Variants in TGFBR3 observed in about 807,000 individuals in gnomAD.
The protein encoded by TGFBR3 is transforming growth factor beta receptor 3.
TGFBR3 carries 46 observed loss-of-function variants against 87.9 expected under a neutral mutation model. That is an observed-to-expected ratio of 0.52 (90% CI 0.41 to 0.67). The LOEUF (loss-of-function observed/expected upper bound fraction) is 0.67. TGFBR3 is among the 30% of genes least tolerant of loss of function. The pLI, the probability that TGFBR3 is intolerant of heterozygous loss-of-function variation, is 0.00. For synonymous variants in TGFBR3, 381 were observed against 391.6 expected (o/e 0.97, Z 0.32); for missense variants, 866 against 1,041.9 (o/e 0.83, Z 2.32).
upstream of TGFBR3, among the ~76,000 whole-genome samples, chr1:91,889,648 A>C (rs748921612): frequency 4.5e-4 from 68 of 152,118 alleles, no homozygotes; most frequent in Non-Finnish European, 7.8e-4. Context: ...AAAGCTCTAT[A>C]AAAAAGGGTT....
At chr1:91,820,949 C>T (rs964151080) in intron 2 of TGFBR3, among the ~76,000 whole-genome samples, 14 of 152,122 alleles carry the variant, frequency 9.2e-5, no homozygotes, top group Admixed American at 2.6e-4. Context: ...ATGCTAGAGA[C>T]GGGTTGGAGA....
intron 2 of TGFBR3, among the ~76,000 whole-genome samples, chr1:91,856,816 T>C (rs1342485068): frequency 6.6e-6 from 1 of 152,208 alleles, no homozygotes; most frequent in Non-Finnish European, 1.5e-5. Flanking sequence ...ACTCACCTGG[T>C]ATTTAATCAA....
intron 3 of TGFBR3, among the ~76,000 whole-genome samples, chr1:91,782,490 T>A (rs1444448377): frequency 6.6e-6 from 1 of 152,104 alleles, no homozygotes; most frequent in Admixed American, 6.5e-5. Flanking sequence ...CAGAAACTGC[T>A]GCCTCCCAAG....
intron 15 of TGFBR3, among the ~76,000 whole-genome samples, chr1:91,697,462 C>G (rs1200049841): frequency 6.6e-6 from 1 of 152,180 alleles, no homozygotes; most frequent in East Asian, 1.9e-4. Context: ...GGGTGGACAG[C>G]TGGGAAGTCC....
At chr1:91,818,716 C>A (rs1676336972) in intron 2 of TGFBR3, among the ~76,000 whole-genome samples, 1 of 152,170 alleles carries the variant, frequency 6.6e-6, no homozygotes, top group Non-Finnish European at 1.5e-5. Flanking sequence ...AATGTAAACA[C>A]AGACCACGTT....
intron 2 of TGFBR3, among the ~76,000 whole-genome samples, chr1:91,822,899 C>G (rs907517755): frequency 1.1e-4 from 17 of 152,082 alleles, no homozygotes; most frequent in African/African-American, 3.9e-4. Context: ...GCACTCCAGC[C>G]TGGGTGACAG....
intron 7 of TGFBR3, among the ~76,000 whole-genome samples, chr1:91,724,020 A>T (rs1672463478): frequency 6.6e-6 from 1 of 152,164 alleles, no homozygotes; most frequent in South Asian, 2.1e-4. Flanking sequence ...AAAGGATCTC[A>T]TTCAGTATAT....
chr1:91,839,122 C>A (rs984960881), intron 2 of TGFBR3, among the ~76,000 whole-genome samples: 6 of 152,126 alleles, frequency 3.9e-5, no homozygotes, highest in African/African-American at 1.2e-4. Flanking sequence ...GGACCACAGG[C>A]ACACACCACC....
chr1:91,709,750 C>T (rs1369179783), intron 13 of TGFBR3, among the ~76,000 whole-genome samples: 1 of 152,150 alleles, frequency 6.6e-6, no homozygotes, highest in Admixed American at 6.5e-5. Context: ...CTATATTTAT[C>T]AATAGGTATA....
Position 91,683,857 on chromosome 1 carries a change from C to A in TGFBR3, c.2438G>T (p.Gly813Val). The A allele has an allele frequency of 6.3e-7, 1 of 1,596,634 alleles. No homozygotes were observed. Among genetic ancestry groups the A allele is most frequent in the East Asian group, 2.3e-5 (1 of 44,254 alleles). ...GACTTGCTGCCTTCCTGCTGTCTCCCCTGCAGTTAATAAAGAAAAGGCAGA... is the reference window on the plus strand; with the variant it reads ...GACTTGCTGCCTTCCTGCTGTCTCCACTGCAGTTAATAAAGAAAAGGCAGA... ...GALWYIYSHTGETAGRQQVPT... is the reference protein window; with the variant it reads ...GALWYIYSHTVETAGRQQVPT... Residue 813 changes from glycine to valine, a missense_variant and splice_region_variant, in exon 17 of 17, where the codon GGG becomes GTG. Coordinates refer to ENST00000212355, the MANE Select transcript of TGFBR3 (RefSeq NM_003243.5).
At chr1:91,704,135 C>T (rs1671711055) in intron 14 of TGFBR3, among the ~76,000 whole-genome samples, 1 of 152,028 alleles carries the variant, frequency 6.6e-6, no homozygotes, top group Admixed American at 6.5e-5. Context: ...CAAGACCAGC[C>T]TGTGCAACAT....
chr1:91,851,532 G>A (rs1355258037), intron 2 of TGFBR3, among the ~76,000 whole-genome samples: 1 of 152,162 alleles, frequency 6.6e-6, no homozygotes, highest in Non-Finnish European at 1.5e-5. Context: ...CAAAATCAGC[G>A]TGCTCAGAGC....
upstream of TGFBR3, among the ~76,000 whole-genome samples, chr1:91,886,990 C>T (rs1679337425): frequency 6.6e-6 from 1 of 152,136 alleles, no homozygotes; most frequent in Non-Finnish European, 1.5e-5. Context: ...CAGAACACCA[C>T]TCTGATACTC....
At chr1:91,869,044 G>GTGA (rs1678487220) in intron 1 of TGFBR3, among the ~76,000 whole-genome samples, 1 of 152,144 alleles carries the variant, frequency 6.6e-6, no homozygotes. Context: ...CCTTCCAAAA[G>GTGA]TGATGTTCAC....
In TGFBR3 at chr1:91,738,460, G is replaced by A. The variant is rs114144225; in HGVS notation, c.385-3501C>T. Among the ~76,000 whole-genome samples the A allele has an allele frequency of 2.3e-3, 350 of 152,226 alleles. 3 individuals are homozygous for A. Among genetic ancestry groups the A allele is most frequent in the African/African-American group, 8.1e-3 (337 of 41,546 alleles). ...TCCCCTTGGTAATAAGTGAACTCTC[G>A]TCTTGAGTTCACGTGAGATCTGCTC... On this transcript the variant is annotated intron_variant, in intron 4 of 16. Coordinates refer to ENST00000212355, the MANE Select transcript of TGFBR3 (RefSeq NM_003243.5).
intron 11 of TGFBR3, 54 bp downstream of exon 11, chr1:91,716,514 C>G (rs1672177712): frequency 1.2e-6 from 2 of 1,613,918 alleles, no homozygotes; most frequent in African/African-American, 2.7e-5. Flanking sequence ...CTAACTAAAG[C>G]CAACAAAATA....
chr1:91,690,684 T>C (rs1557658605), intron 16 of TGFBR3, among the ~76,000 whole-genome samples: 1 of 152,166 alleles, frequency 6.6e-6, no homozygotes, highest in Non-Finnish European at 1.5e-5. Flanking sequence ...TTTGTTGCCA[T>C]GTCAGTTTAT....
At chr1:91,830,287 C>T (rs2101084021) in intron 2 of TGFBR3, among the ~76,000 whole-genome samples, 2 of 152,306 alleles carry the variant, frequency 1.3e-5, no homozygotes, top group Middle Eastern at 3.4e-3. Context: ...GGGATACAGG[C>T]AATCGGGACT....
chr1:91,708,924 T>C, intron 13 of TGFBR3, 141 bp from the exon 14 acceptor site: 4 of 1,211,640 alleles, frequency 3.3e-6, no homozygotes, highest in Non-Finnish European at 4.7e-6. Flanking sequence ...GTGGGTGTTT[T>C]TCAGAGAACA....
Sources: gnomAD v4.1 joint callset for allele counts (sites outside exome capture counted in the v4.1 genomes callset) on GRCh38, gnomAD v4.1.1 for gene constraint, MANE v1.5 for transcripts, NCBI Gene and HGNC (gene_info 2026-07-23, HGNC 2026-07-21) for gene names.